LRRTM4: variants seen among roughly 807,000 people sequenced by gnomAD.
The protein encoded by LRRTM4 is leucine rich repeat transmembrane neuronal 4.
A neutral mutation model predicts 47.6 loss-of-function variants in LRRTM4; 25 were observed. That is an observed-to-expected ratio of 0.53 (90% confidence interval 0.38 to 0.73). The LOEUF (loss-of-function observed/expected upper bound fraction) is 0.73, where lower values mean the gene tolerates loss of function less well. LRRTM4 is among the 30% of genes least tolerant of loss of function. The pLI, the probability that LRRTM4 is intolerant of heterozygous loss-of-function variation, is 0.00. For missense variants in LRRTM4, 638 were observed against 713.4 expected (o/e 0.89, Z 1.20); for synonymous variants, 311 against 269.5 (o/e 1.15, Z -1.51).
intron 3 of LRRTM4, among the ~76,000 whole-genome samples, chr2:76,981,187 GTTTTAGCCAACACTGGTTATA>G (rs1185447593): frequency 2.0e-5 from 3 of 152,048 alleles, no homozygotes; most frequent in East Asian, 3.9e-4. Context: ...CATTGACTTT[GTTTTAGCCAACACTGGTTATA>G]TGTGGGAAAT....
intron 3 of LRRTM4, among the ~76,000 whole-genome samples, chr2:76,856,170 G>A (rs1411307662): frequency 1.3e-5 from 2 of 152,100 alleles, no homozygotes; most frequent in South Asian, 2.1e-4. Flanking sequence ...CCAGCTACTC[G>A]GGAGGCTGAG....
At chr2:77,235,770 G>T (rs559148829) in intron 3 of LRRTM4, among the ~76,000 whole-genome samples, 35 of 152,170 alleles carry the variant, frequency 2.3e-4, no homozygotes, top group African/African-American at 8.4e-4. Context: ...ATTGACTAGG[G>T]AGTCCTTTCC....
chr2:77,090,226 T>A (rs140163224), intron 3 of LRRTM4, among the ~76,000 whole-genome samples: 8,021 of 152,196 alleles, frequency 0.053, 341 homozygotes, highest in Non-Finnish European at 0.073. Context: ...AGGTGGCTGG[T>A]GCTAAAGGCA....
Position 76,911,005 on chromosome 2 carries a change from C to G in LRRTM4, c.1552-162089G>C, listed in dbSNP as rs536711515. Among the ~76,000 whole-genome samples the G allele has an allele frequency of 7.2e-5, 11 of 152,258 alleles. No homozygotes were observed. In the South Asian group the frequency reaches 2.3e-3, roughly 32 times the overall value. ...TTGCTGAACACTAATGCAGTGCAACCATCTAAAGTGGCCAACTTTGCTGAA... is the reference window on the plus strand; with the variant it reads ...TTGCTGAACACTAATGCAGTGCAACGATCTAAAGTGGCCAACTTTGCTGAA... On this transcript the variant is annotated intron_variant, in intron 3 of 3. Coordinates refer to ENST00000409884, the MANE Select transcript of LRRTM4 (RefSeq NM_001134745.3).
chr2:77,030,886 C>T (rs529297518), intron 3 of LRRTM4, among the ~76,000 whole-genome samples: 1 of 152,284 alleles, frequency 6.6e-6, no homozygotes, highest in South Asian at 2.1e-4. Flanking sequence ...CTTTCTGCCC[C>T]ATCAAAGCTC....
intron 3 of LRRTM4, among the ~76,000 whole-genome samples, chr2:77,163,398 ACT>A (rs912026417): frequency 3.7e-4 from 57 of 152,308 alleles, no homozygotes; most frequent in African/African-American, 1.3e-3. Context: ...GTTGGAAAAC[ACT>A]CTGCAGGATA....
rs1450440243 is a variant in LRRTM4, at chr2:76,899,526, G to A, written c.1552-150610C>T. Reference sequence around the variant, plus strand: ...TGACAAATAAACCCTGCAGATGCCTGGGAGAAGATATCCTACATGAAGGCA... The same window carrying A: ...TGACAAATAAACCCTGCAGATGCCTAGGAGAAGATATCCTACATGAAGGCA... On this transcript the variant is annotated intron_variant, in intron 3 of 3. Transcript: ENST00000409884. Among the ~76,000 whole-genome samples the A allele has an allele frequency of 3.3e-5, 5 of 152,052 alleles. No homozygotes were observed. In the South Asian group the frequency reaches 8.3e-4, roughly 25 times the overall value.
intron 3 of LRRTM4, among the ~76,000 whole-genome samples, chr2:77,477,907 G>T (rs199546464): frequency 1.8e-4 from 1 of 5,574 alleles, no homozygotes; most frequent in African/African-American, 6.3e-4. Flanking sequence ...GAAAGAAAAA[G>T]AAAGAAAGAA....
intron 3 of LRRTM4, among the ~76,000 whole-genome samples, chr2:76,937,574 G>T (rs1375913463): frequency 6.6e-6 from 1 of 152,100 alleles, no homozygotes; most frequent in Non-Finnish European, 1.5e-5. Flanking sequence ...TCTTTCTTTT[G>T]TGTGTATGTG....
intron 3 of LRRTM4, among the ~76,000 whole-genome samples, chr2:76,785,329 A>G (rs1280847220): frequency 1.3e-5 from 2 of 152,150 alleles, no homozygotes; most frequent in Non-Finnish European, 2.9e-5. Flanking sequence ...GATAAAATTA[A>G]TAATAAGAAG....
chr2:77,396,267 T>A (rs1481640059), intron 3 of LRRTM4, among the ~76,000 whole-genome samples: 2 of 151,934 alleles, frequency 1.3e-5, no homozygotes, highest in Non-Finnish European at 2.9e-5. Flanking sequence ...TATTCTATAT[T>A]TACCTTCAGC....
intron 3 of LRRTM4, among the ~76,000 whole-genome samples, chr2:77,043,767 T>C (rs776266390): frequency 4.6e-5 from 7 of 151,896 alleles, no homozygotes; most frequent in East Asian, 1.9e-4. Flanking sequence ...CAAATATCCT[T>C]CATCTTAAAG....
At chr2:77,002,238 C>T (rs1309212186) in intron 3 of LRRTM4, among the ~76,000 whole-genome samples, 1 of 151,978 alleles carries the variant, frequency 6.6e-6, no homozygotes, top group East Asian at 1.9e-4. Flanking sequence ...CTAGCCAGTA[C>T]CAGATGCTCT....
chr2:77,402,429 A>C (rs1402370821), intron 3 of LRRTM4, among the ~76,000 whole-genome samples: 1 of 151,946 alleles, frequency 6.6e-6, no homozygotes, highest in Non-Finnish European at 1.5e-5. Flanking sequence ...GATTACAGTT[A>C]TTAGCCACTG....
chr2:76,794,965 A>G (rs1413232450), intron 3 of LRRTM4, among the ~76,000 whole-genome samples: 1 of 152,224 alleles, frequency 6.6e-6, no homozygotes, highest in East Asian at 1.9e-4. Context: ...GAATATCTTA[A>G]TCTAAGGGTG....
chr2:76,929,204 T>C (rs958283000), intron 3 of LRRTM4, among the ~76,000 whole-genome samples: 2 of 152,150 alleles, frequency 1.3e-5, no homozygotes, highest in Non-Finnish European at 2.9e-5. Context: ...GGACCAGACA[T>C]ATCACTGGAA....
chr2:76,929,956 TGTG>T (rs1674716506), intron 3 of LRRTM4, among the ~76,000 whole-genome samples: 1 of 149,884 alleles, frequency 6.7e-6, no homozygotes, highest in Non-Finnish European at 1.5e-5. Flanking sequence ...TGTGTGTGTG[TGTG>T]TTTTAAATTT....
chr2:77,132,610 C>T (rs143917514), intron 3 of LRRTM4, among the ~76,000 whole-genome samples: 76 of 152,280 alleles, frequency 5.0e-4, no homozygotes, highest in Non-Finnish European at 8.5e-4. Flanking sequence ...AATGTTGCAT[C>T]CTCCAGAGGG....
chr2:76,754,996 C>T (rs1039351479), intron 3 of LRRTM4, among the ~76,000 whole-genome samples: 1 of 152,122 alleles, frequency 6.6e-6, no homozygotes, highest in African/African-American at 2.4e-5. Context: ...TGCCAACCTC[C>T]ACAGACTCAA....
Sources: gnomAD v4.1 joint callset for allele counts (sites outside exome capture counted in the v4.1 genomes callset) on GRCh38, gnomAD v4.1.1 for gene constraint, MANE v1.5 for transcripts, NCBI Gene and HGNC (gene_info 2026-07-23, HGNC 2026-07-21) for gene names.